Variants in CARD8 observed in about 807,000 individuals in gnomAD.
CARD8 encodes caspase recruitment domain-containing protein 8.
In CARD8, 38 loss-of-function variants were observed where a neutral mutation model predicts 53.2. The ratio of observed to expected loss-of-function variants is 0.71; its 90% CI spans 0.55 to 0.94. The LOEUF (loss-of-function observed/expected upper bound fraction) is 0.94. Among genes scored for constraint, CARD8 ranks in the 40% least tolerant of loss-of-function variants. The probability of loss-of-function intolerance (pLI) is 0.00; values close to 1 mark genes in which losing one functional copy is unlikely to be tolerated. For missense variants in CARD8, 561 were observed against 655.5 expected (o/e 0.86, Z 1.57); for synonymous variants, 245 against 244.9 (o/e 1.00, Z 0.00).
At chr19:48,244,107 C>A (rs1046139560) in intron 3 of CARD8, among the ~76,000 whole-genome samples, 8 of 151,380 alleles carry the variant, frequency 5.3e-5, no homozygotes, top group Non-Finnish European at 1.2e-4. Context: ...TCCAGATATT[C>A]AAAAATGAGA....
At chr19:48,241,168 T>C in intron 3 of CARD8, 105 bp from the exon 4 acceptor site, 1 of 647,398 alleles carries the variant, frequency 1.5e-6, no homozygotes, top group Non-Finnish European at 2.7e-6. Context: ...TATTGCTCAT[T>C]CACAAGAGAT....
At chr19:48,238,992 C>T (rs1326009796) in intron 4 of CARD8, among the ~76,000 whole-genome samples, 1 of 152,236 alleles carries the variant, frequency 6.6e-6, no homozygotes, top group African/African-American at 2.4e-5. Context: ...GTCTGTCACA[C>T]TTGGTGATGC....
intron 3 of CARD8, among the ~76,000 whole-genome samples, chr19:48,246,907 G>A (rs369482795): frequency 1.3e-5 from 2 of 152,154 alleles, no homozygotes; most frequent in East Asian, 1.9e-4. Context: ...ATCTTTGAAC[G>A]CATAAATGAC....
rs558063272 is a variant in CARD8 at position 48,240,461 on chromosome 19, G to C, written c.59+501C>G. Among the ~76,000 whole-genome samples, 19 of 152,100 alleles carry C rather than the reference G, an allele frequency of 1.2e-4. No individual in the cohort carries two copies. In the South Asian group the frequency reaches 3.9e-3, roughly 32 times the overall value. On this transcript the variant is annotated intron_variant, in intron 4 of 13. Transcript: ENST00000651546. ...TAAAAAGGTCAGAAACAGGGAAGGA[G>C]AGAGAAGGTCTAAAAAGTACACCTG...
At chr19:48,252,498 ATT>A (rs34903597) in intron 1 of CARD8, among the ~76,000 whole-genome samples, 57 of 145,832 alleles carry the variant, frequency 3.9e-4, no homozygotes, top group Admixed American at 1.0e-3. Flanking sequence ...AATATATATA[ATT>A]TTTTTTTTTT....
chr19:48,240,887 C>G, intron 4 of CARD8, 75 bp downstream of exon 4: 1 of 1,139,782 alleles, frequency 8.8e-7, no homozygotes, highest in Non-Finnish European at 1.3e-6. Flanking sequence ...CCATGGTCCT[C>G]TGTATCTCAT....
intron 1 of CARD8, among the ~76,000 whole-genome samples, chr19:48,254,486 C>G (rs2047329549): frequency 6.6e-6 from 1 of 152,156 alleles, no homozygotes; most frequent in Non-Finnish European, 1.5e-5. Context: ...GGTGCGGTGG[C>G]TCATCCCTGT....
intron 5 of CARD8, among the ~76,000 whole-genome samples, chr19:48,236,564 G>A (rs2043924753): frequency 6.6e-6 from 1 of 152,072 alleles, no homozygotes; most frequent in East Asian, 1.9e-4. Context: ...ACCATCCATG[G>A]TCCCCGGCGT....
downstream of CARD8, among the ~76,000 whole-genome samples, chr19:48,206,909 G>C (rs894522902): frequency 6.6e-6 from 1 of 152,126 alleles, no homozygotes; most frequent in Admixed American, 6.5e-5. Context: ...TGACAAGTGT[G>C]GAGGCTTTCC....
intron 10 of CARD8, among the ~76,000 whole-genome samples, chr19:48,228,897 G>T (rs376640720): frequency 1.3e-5 from 2 of 152,124 alleles, no homozygotes; most frequent in Admixed American, 6.5e-5. Flanking sequence ...CCAGAACTTC[G>T]GGAGGCTGAG....
In CARD8 at chr19:48,231,722, C is replaced by CT; in HGVS notation, c.479dup (p.Phe161ValfsTer5). On this transcript the variant is annotated frameshift_variant, in exon 8 of 14. Coordinates refer to ENST00000651546, the MANE Select transcript of CARD8 (RefSeq NM_001184900.3). LOFTEE classifies it high-confidence loss of function. ...CCACATTTCCTTCAGGCCCCAGAAA[C>CT]TGACGATTTTTATAATCTTCTTCGA... 1 of 1,613,676 alleles carries CT rather than the reference C, an allele frequency of 6.2e-7. No individual in the cohort carries two copies. Among genetic ancestry groups the CT allele is most frequent in the Non-Finnish European group, 8.5e-7 (1 of 1,179,820 alleles).
intron 10 of CARD8, among the ~76,000 whole-genome samples, chr19:48,222,911 T>C (rs1307325028): frequency 6.6e-6 from 1 of 152,124 alleles, no homozygotes; most frequent in Non-Finnish European, 1.5e-5. Context: ...CAAGGGGACT[T>C]TGGGGAAGCT....
At chr19:48,233,456 TTC>T in intron 6 of CARD8, 1 of 455,518 alleles carries the variant, frequency 2.2e-6, no homozygotes, top group South Asian at 1.6e-5. Context: ...CTCGGAAGGA[TTC>T]TGTGGGCAAG....
At chr19:48,236,105 T>A (rs2043827109) in intron 5 of CARD8, among the ~76,000 whole-genome samples, 1 of 152,254 alleles carries the variant, frequency 6.6e-6, no homozygotes, top group African/African-American at 2.4e-5. Context: ...ATTTCCATCC[T>A]GGGTGAGAAC....
rs146657505 is a variant in CARD8, at chr19:48,211,841, G to A, written c.1483C>T (p.Arg495Trp). The change falls in exon 14 of 14, where the codon CGG (arginine) becomes TGG (tryptophan). Residue 495 changes from arginine to tryptophan, a missense_variant. Transcript: ENST00000651546. The stretch of plus-strand genomic sequence containing the variant: ...AGCAAGGCCTCATTCTTGCTCTGCC[G>A]TGTCTTTTCCTGCTCCACCAGCTCC... Reference protein sequence around the residue: ...EKELVEQEKTRQSKNEALLSM... With the variant: ...EKELVEQEKTWQSKNEALLSM... 108 of 1,614,076 alleles carry A rather than the reference G, an allele frequency of 6.7e-5. No individual in the cohort carries two copies. The highest frequency in any genetic ancestry group is 2.8e-4 in the Admixed American group (17 of 60,008).
intron 1 of CARD8, among the ~76,000 whole-genome samples, chr19:48,254,359 A>T (rs1190958816): frequency 6.6e-6 from 1 of 152,252 alleles, no homozygotes; most frequent in African/African-American, 2.4e-5. Flanking sequence ...ATTCTGTAGA[A>T]ATCCATCATT....
chr19:48,223,765 C>G (rs540924413), intron 10 of CARD8: 43 of 449,550 alleles, frequency 9.6e-5, no homozygotes, highest in African/African-American at 8.2e-4. Flanking sequence ...TAGTTCTTAT[C>G]ATATGCACAT....
chr19:48,235,403 G>A (rs556174714), intron 5 of CARD8, among the ~76,000 whole-genome samples: 82 of 152,256 alleles, frequency 5.4e-4, no homozygotes, highest in Non-Finnish European at 1.5e-4. Flanking sequence ...GTGCTCAAAA[G>A]CCACACGTGG....
chr19:48,216,522 C>T (rs1217678689), intron 12 of CARD8, among the ~76,000 whole-genome samples: 3 of 152,184 alleles, frequency 2.0e-5, no homozygotes, highest in Non-Finnish European at 4.4e-5. Context: ...GGCTGAGCAT[C>T]ATCCAACCCT....
Sources: gnomAD v4.1 joint callset for allele counts (sites outside exome capture counted in the v4.1 genomes callset) on GRCh38, gnomAD v4.1.1 for gene constraint, MANE v1.5 for transcripts, NCBI Gene and HGNC (gene_info 2026-07-23, HGNC 2026-07-21) for gene names.